GRM3: variants seen among roughly 807,000 people sequenced by gnomAD.
GRM3 encodes the protein glutamate metabotropic receptor 3, also known as metabotropic glutamate receptor 3.
Under a neutral mutation model 70.5 loss-of-function variants are expected in GRM3, and 26 were observed. The observed-to-expected ratio is 0.37, with a 90% CI of 0.27 to 0.51. GRM3 has a LOEUF of 0.51. Ranked by LOEUF, GRM3 falls within the 20% of genes least tolerant of loss-of-function variation. The probability of loss-of-function intolerance (pLI) is 0.93; values close to 1 mark genes in which losing one functional copy is unlikely to be tolerated. For missense variants in GRM3, 859 were observed against 1,123.8 expected (o/e 0.76, Z 3.37); for synonymous variants, 443 against 434.9 (o/e 1.02, Z -0.23).
chr7:86,762,709 CAG>C (rs1213000019), intron 1 of GRM3, among the ~76,000 whole-genome samples: 1 of 152,094 alleles, frequency 6.6e-6, no homozygotes, highest in Non-Finnish European at 1.5e-5. Context: ...GGAGATAAGA[CAG>C]AATACTTGAT....
At chr7:86,726,342 G>A (rs1319389825) in intron 1 of GRM3, among the ~76,000 whole-genome samples, 1 of 152,144 alleles carries the variant, frequency 6.6e-6, no homozygotes, top group Non-Finnish European at 1.5e-5. Context: ...TCTTTTTCCT[G>A]AGGCTGAATA....
intron 3 of GRM3, among the ~76,000 whole-genome samples, chr7:86,799,019 G>T (rs1430104042): frequency 3.3e-5 from 5 of 152,184 alleles, no homozygotes; most frequent in Admixed American, 3.3e-4. Context: ...TTTATTAGCA[G>T]AGTGAGAGCT....
At chr7:86,824,170 G>T (rs568580259) in intron 3 of GRM3, among the ~76,000 whole-genome samples, 6 of 152,280 alleles carry the variant, frequency 3.9e-5, no homozygotes, top group Admixed American at 3.3e-4. Context: ...AGGGAGGAAG[G>T]TTCAGAGAAT....
At chr7:86,741,290 C>T (rs182259811) in intron 1 of GRM3, among the ~76,000 whole-genome samples, 132 of 152,100 alleles carry the variant, frequency 8.7e-4, no homozygotes, top group African/African-American at 3.0e-3. Flanking sequence ...GGCGGTGGGC[C>T]GGACAGGAAA....
intron 1 of GRM3, among the ~76,000 whole-genome samples, chr7:86,703,066 C>T (rs1794979925): frequency 2.6e-5 from 4 of 151,892 alleles, no homozygotes; most frequent in Non-Finnish European, 5.9e-5. Flanking sequence ...TGTGGTTTTT[C>T]TCACTGGAAA....
At chr7:86,722,751 A>T (rs13224618) in intron 1 of GRM3, among the ~76,000 whole-genome samples, 62 of 145,472 alleles carry the variant, frequency 4.3e-4, no homozygotes, top group African/African-American at 1.3e-3. Context: ...AAAATATGAT[A>T]AAAAAAATCC....
At chr7:86,746,856 A>C (rs1038015794) in intron 1 of GRM3, among the ~76,000 whole-genome samples, 4 of 152,102 alleles carry the variant, frequency 2.6e-5, no homozygotes, top group East Asian at 1.9e-4. Flanking sequence ...AAAGTAGAAG[A>C]AGCCAAGGGC....
chr7:86,677,682 TG>T (rs1794340833), intron 1 of GRM3, among the ~76,000 whole-genome samples: 1 of 151,988 alleles, frequency 6.6e-6, no homozygotes, highest in Non-Finnish European at 1.5e-5. Context: ...ACAGGTGGCT[TG>T]GGAAAAGGTA....
intron 3 of GRM3, among the ~76,000 whole-genome samples, chr7:86,799,040 C>A (rs770815251): frequency 6.6e-6 from 1 of 152,120 alleles, no homozygotes; most frequent in Non-Finnish European, 1.5e-5. Context: ...GAGAGCAGAC[C>A]ATACATACTC....
At chr7:86,711,849 A>C (rs968153811) in intron 1 of GRM3, among the ~76,000 whole-genome samples, 1 of 152,032 alleles carries the variant, frequency 6.6e-6, no homozygotes, top group African/African-American at 2.4e-5. Flanking sequence ...ATTTACACTT[A>C]GGGAACCTAG....
chr7:86,850,993 A>G (rs1210707081), intron 5 of GRM3, among the ~76,000 whole-genome samples: 3 of 152,264 alleles, frequency 2.0e-5, no homozygotes, highest in South Asian at 2.1e-4. Flanking sequence ...AGCTTCATGA[A>G]AAATTAAAAG....
intron 5 of GRM3, 110 bp from the exon 6 acceptor site, chr7:86,864,172 T>TCCTTCCCAC: frequency 1.4e-6 from 1 of 708,944 alleles, no homozygotes; most frequent in South Asian, 1.6e-5. Context: ...ATCCCTCACC[T>TCCTTCCCAC]CCTTCCCACC....
At chr7:86,858,800 C>G (rs963434218) in intron 5 of GRM3, among the ~76,000 whole-genome samples, 7 of 152,124 alleles carry the variant, frequency 4.6e-5, no homozygotes, top group African/African-American at 1.7e-4. Context: ...GAAGTCACTG[C>G]TTTCATACAG....
At chr7:86,651,106 G>A (rs1027360506) in intron 1 of GRM3, among the ~76,000 whole-genome samples, 1 of 152,172 alleles carries the variant, frequency 6.6e-6, no homozygotes, top group Non-Finnish European at 1.5e-5. Context: ...TGCTGCTCCA[G>A]GAAAACCCAC....
At chr7:86,845,524 T>C (rs1185916671) in intron 4 of GRM3, among the ~76,000 whole-genome samples, 3 of 152,134 alleles carry the variant, frequency 2.0e-5, no homozygotes, top group African/African-American at 7.2e-5. Flanking sequence ...TGGGTGTCTG[T>C]CACCAACAAG....
intron 1 of GRM3, among the ~76,000 whole-genome samples, chr7:86,656,084 G>A (rs1048268420): frequency 6.6e-5 from 10 of 151,986 alleles, no homozygotes; most frequent in African/African-American, 2.4e-4. Flanking sequence ...ACAGGAAACA[G>A]TGACATAATA....
intron 1 of GRM3, among the ~76,000 whole-genome samples, chr7:86,731,700 T>C (rs578101994): frequency 4.7e-4 from 71 of 152,324 alleles, no homozygotes; most frequent in African/African-American, 1.6e-3. Flanking sequence ...AACAGCATCA[T>C]GTATGCTAGA....
At chr7:86,684,136 C>A (rs1199296078) in intron 1 of GRM3, among the ~76,000 whole-genome samples, 2 of 152,082 alleles carry the variant, frequency 1.3e-5, no homozygotes, top group African/African-American at 4.8e-5. Context: ...CCACTCCCTC[C>A]CCGAAGTCTT....
chr7:86,811,834 C>G (rs917309902), intron 3 of GRM3, among the ~76,000 whole-genome samples: 1 of 149,036 alleles, frequency 6.7e-6, no homozygotes, highest in African/African-American at 2.5e-5. Flanking sequence ...TCCTCTTTTT[C>G]TTCTCTTCCC....
Sources: allele counts gnomAD v4.1 joint callset (sites outside exome capture counted in the v4.1 genomes callset), GRCh38; gene constraint gnomAD v4.1.1; transcripts MANE v1.5; gene names NCBI Gene and HGNC (gene_info 2026-07-23, HGNC 2026-07-21).